LYPLA1: variants seen among roughly 807,000 people sequenced by gnomAD.
The protein encoded by LYPLA1 is lysophospholipase 1, also known as acyl-protein thioesterase 1.
A neutral mutation model predicts 34.0 loss-of-function variants in LYPLA1; 17 were observed. That is an observed-to-expected ratio of 0.50 (90% CI 0.34 to 0.75). The LOEUF is 0.75. Ranked by LOEUF, LYPLA1 falls within the 30% of genes least tolerant of loss-of-function variation. LYPLA1 has a pLI of 0.01. For missense variants in LYPLA1, 203 were observed against 288.8 expected (o/e 0.70, Z 2.15); for synonymous variants, 98 against 100.8 (o/e 0.97, Z 0.17).
chr8:54,100,094 G>A (rs148862514), intron 2 of LYPLA1: 1 of 152,162 alleles, frequency 6.6e-6, no homozygotes, highest in Non-Finnish European at 1.5e-5. Flanking sequence ...TTCATATTTT[G>A]CTTAAGTTTC....
intron 2 of LYPLA1, among the ~76,000 whole-genome samples, chr8:54,066,794 A>AG (rs1807101894): frequency 6.6e-6 from 1 of 151,690 alleles, no homozygotes; most frequent in Non-Finnish European, 1.5e-5. Flanking sequence ...AAAAAAGAAA[A>AG]GAAAAAAAAG....
chr8:54,099,010 T>C (rs929869319), intron 2 of LYPLA1, among the ~76,000 whole-genome samples: 1 of 152,228 alleles, frequency 6.6e-6, no homozygotes, highest in Admixed American at 6.5e-5. Flanking sequence ...GATACTTTTT[T>C]AATATAAACT....
At chr8:54,066,152 T>C (rs1000124359) in intron 2 of LYPLA1, among the ~76,000 whole-genome samples, 6 of 152,104 alleles carry the variant, frequency 3.9e-5, no homozygotes, top group African/African-American at 1.2e-4. Flanking sequence ...TTAGCCAGGA[T>C]GGTCTTGATC....
intron 4 of LYPLA1, among the ~76,000 whole-genome samples, chr8:54,062,732 G>C (rs1806749963): frequency 6.6e-6 from 1 of 152,032 alleles, no homozygotes; most frequent in Non-Finnish European, 1.5e-5. Context: ...GGCTGGTCCT[G>C]AACTCCTGAC....
intron 3 of LYPLA1, among the ~76,000 whole-genome samples, chr8:54,064,645 A>G (rs1806912773): frequency 6.6e-6 from 1 of 152,038 alleles, no homozygotes; most frequent in Non-Finnish European, 1.5e-5. Flanking sequence ...TGCTACTACC[A>G]CTTCTGGGGA....
rs1805928328 is a variant in LYPLA1, at chr8:54,052,684, A to C, written c.433T>G (p.Trp145Gly). Residue 145 changes from tryptophan to glycine, a missense_variant, in exon 7 of 9, where the codon TGG (tryptophan) becomes GGG (glycine). Transcript: ENST00000316963. Reference protein sequence around the residue: ...KLAGVTALSCWLPLRASFPQG... With the variant: ...KLAGVTALSCGLPLRASFPQG... ...GGAAAGGAAGCCCGAAGTGGAAGCCAGCAACTGAGTGCAGTGACACCTGCC... is the reference window on the plus strand; with the variant it reads ...GGAAAGGAAGCCCGAAGTGGAAGCCCGCAACTGAGTGCAGTGACACCTGCC... 6.2e-7 allele frequency: 1 copy of C among 1,613,774 alleles called. No individual in the cohort carries two copies. The highest frequency in any genetic ancestry group is 1.3e-5 in the African/African-American group (1 of 74,932).
intron 2 of LYPLA1, among the ~76,000 whole-genome samples, chr8:54,097,377 T>G (rs1302967113): frequency 1.3e-5 from 2 of 152,146 alleles, no homozygotes; most frequent in Non-Finnish European, 2.9e-5. Flanking sequence ...TGCAGAAGTG[T>G]CAATGTCGTG....
chr8:54,068,363 G>A (rs867531534), intron 2 of LYPLA1, among the ~76,000 whole-genome samples: 1 of 152,012 alleles, frequency 6.6e-6, no homozygotes, highest in Non-Finnish European at 1.5e-5. Flanking sequence ...ATTAGAACCC[G>A]ATCTAAAATT....
At chr8:54,100,857 G>A in intron 2 of LYPLA1, 51 bp downstream of exon 2, 1 of 1,477,116 alleles carries the variant, frequency 6.8e-7, no homozygotes. Context: ...GTAAACAAAA[G>A]TTGCATGACC....
intron 5 of LYPLA1, among the ~76,000 whole-genome samples, chr8:54,059,055 ATTG>A (rs1936754604): frequency 6.6e-6 from 1 of 152,118 alleles, no homozygotes; most frequent in African/African-American, 2.4e-5. Context: ...GGCCAACTCT[ATTG>A]TTAGGACAGA....
chr8:54,063,196 T>G, intron 4 of LYPLA1, 132 bp downstream of exon 4: 1 of 585,842 alleles, frequency 1.7e-6, no homozygotes, highest in Admixed American at 3.8e-5. Context: ...TATGAAAATG[T>G]AAATAGAGGT....
chr8:54,083,608 A>G (rs371035804), intron 2 of LYPLA1, among the ~76,000 whole-genome samples: 55 of 152,342 alleles, frequency 3.6e-4, no homozygotes, highest in African/African-American at 1.2e-3. Flanking sequence ...CAGCCACTCT[A>G]GGATGAAAAT....
In LYPLA1 at chr8:54,101,743, T is replaced by C; in HGVS notation, c.69+12A>G. The C allele has an allele frequency of 7.7e-7, 1 of 1,299,634 alleles. No individual in the cohort carries two copies. Among genetic ancestry groups the C allele is most frequent in the South Asian group, 2.6e-5 (1 of 38,716 alleles). The allele number at this position is 1,299,634 out of a possible 1,614,324, so 80.5% of individuals were successfully genotyped here. The stretch of plus-strand genomic sequence containing the variant: ...CAGTGGACCCCTCCGAGCCCACGCC[T>C]ACGCCACTCACCGCAGCGGTGGCCT... On this transcript the variant is annotated intron_variant, in intron 1 of 8. Coordinates refer to ENST00000316963, the MANE Select transcript of LYPLA1 (RefSeq NM_006330.4).
chr8:54,066,908 C>T (rs1360821371), intron 2 of LYPLA1, among the ~76,000 whole-genome samples: 1 of 152,192 alleles, frequency 6.6e-6, no homozygotes, highest in African/African-American at 2.4e-5. Context: ...GGCACAGTGG[C>T]TCATGCTTAC....
At chr8:54,101,724 A>G in intron 1 of LYPLA1, 31 bp downstream of exon 1, 13 of 1,283,452 alleles carry the variant, frequency 1.0e-5, no homozygotes, top group Non-Finnish European at 1.2e-5. Flanking sequence ...GGCCCAGTGG[A>G]CCCCTCCGAG....
chr8:54,068,097 A>G (rs1344330232), intron 2 of LYPLA1, among the ~76,000 whole-genome samples: 1 of 152,184 alleles, frequency 6.6e-6, no homozygotes, highest in African/African-American at 2.4e-5. Flanking sequence ...CAATACTTAC[A>G]TAACATTAAC....
rs374789393 is a variant in LYPLA1, at chr8:54,055,136, A to G, written c.287-3T>C. ...TTCTTGATCAATCAAAGCTTTTACT[A>G]AAAACAACATGAAAGTTAGTCAGCA... On this transcript the variant is annotated splice_region_variant and splice_polypyrimidine_tract_variant and intron_variant, in intron 5 of 8. Coordinates refer to ENST00000316963, the MANE Select transcript of LYPLA1 (RefSeq NM_006330.4). 4.0e-5 allele frequency: 63 copies of G among 1,580,230 alleles called. No homozygotes were observed. In the African/African-American group the frequency reaches 7.5e-4, roughly 19 times the overall value.
At chr8:54,075,355 T>C (rs1419816168) in intron 2 of LYPLA1, among the ~76,000 whole-genome samples, 3 of 152,196 alleles carry the variant, frequency 2.0e-5, no homozygotes, top group Non-Finnish European at 4.4e-5. Flanking sequence ...AACAGCCGAT[T>C]TGGATACCAT....
intron 2 of LYPLA1, among the ~76,000 whole-genome samples, chr8:54,082,335 T>C (rs1372009656): frequency 6.6e-6 from 1 of 152,150 alleles, no homozygotes; most frequent in Non-Finnish European, 1.5e-5. Flanking sequence ...TATTCCTTAT[T>C]ACAATTAGGG....
Sources: allele counts gnomAD v4.1 joint callset (sites outside exome capture counted in the v4.1 genomes callset), GRCh38; gene constraint gnomAD v4.1.1; transcripts MANE v1.5; gene names NCBI Gene and HGNC (gene_info 2026-07-23, HGNC 2026-07-21).